Variants in PPIL4 observed in about 807,000 individuals in gnomAD.
PPIL4 encodes the protein peptidyl-prolyl cis-trans isomerase-like 4.
In PPIL4, 50 loss-of-function variants were observed where a neutral mutation model predicts 69.1. The ratio of observed to expected loss-of-function variants is 0.72; its 90% CI spans 0.58 to 0.92. PPIL4 has a LOEUF of 0.92. PPIL4 is among the 40% of genes least tolerant of loss of function. PPIL4 has a pLI of 0.00. For synonymous variants in PPIL4, 193 were observed against 191.6 expected, an observed-to-expected ratio of 1.01 and a Z score of -0.06; for missense variants, 480 against 587.9, an observed-to-expected ratio of 0.82 and a Z score of 1.90.
intron 1 of PPIL4, 118 bp from the exon 2 acceptor site, chr6:149,541,704 GTCCAAAGCTATAAAAAAGGGCAATA>G: frequency 1.6e-6 from 1 of 615,014 alleles, no homozygotes; most frequent in Non-Finnish European, 2.8e-6. Flanking sequence ...AAAGTCAAAT[GTCCAAAGCTATAAAAAAGGGCAATA>G]GGCCGGGCGC....
chr6:149,525,431 C>T (rs989014015), intron 8 of PPIL4, among the ~76,000 whole-genome samples: 1 of 152,060 alleles, frequency 6.6e-6, no homozygotes, highest in African/African-American at 2.4e-5. Flanking sequence ...CTTATATAGG[C>T]CTACAGTCCT....
chr6:149,543,949 T>A (rs912263310), intron 1 of PPIL4, among the ~76,000 whole-genome samples: 8 of 152,244 alleles, frequency 5.3e-5, no homozygotes, highest in Admixed American at 2.0e-4. Context: ...TAGGTAAGTC[T>A]GGATATGTTG....
intron 8 of PPIL4, among the ~76,000 whole-genome samples, chr6:149,525,842 T>C (rs1777098103): frequency 6.6e-6 from 1 of 152,148 alleles, no homozygotes; most frequent in Non-Finnish European, 1.5e-5. Flanking sequence ...GGCTCATACC[T>C]ATAACCCCAG....
At chr6:149,535,098 T>C (rs1777254810) in intron 5 of PPIL4, among the ~76,000 whole-genome samples, 1 of 152,234 alleles carries the variant, frequency 6.6e-6, no homozygotes, top group Non-Finnish European at 1.5e-5. Context: ...GGCTCATTCC[T>C]GTAATCCCAA....
At position 149,541,440 on chromosome 6, in the gene PPIL4, T is replaced by C. The variant is rs1388806890; in HGVS notation, c.139-9A>G. Reference sequence around the variant, plus strand: ...TGTATGATAAAATCCCTCTGTAATATGTAGGATTCTTTGTTAATTCACAGA... The same window carrying C: ...TGTATGATAAAATCCCTCTGTAATACGTAGGATTCTTTGTTAATTCACAGA... On this transcript the variant is annotated splice_polypyrimidine_tract_variant and intron_variant, in intron 2 of 12. Coordinates refer to ENST00000253329, the MANE Select transcript of PPIL4 (RefSeq NM_139126.4). 21 of 1,579,612 alleles carry C rather than the reference T, an allele frequency of 1.3e-5. No individual in the cohort carries two copies. Among genetic ancestry groups the C allele is most frequent in the Middle Eastern group, 1.7e-4 (1 of 5,970 alleles).
rs905848694 is a variant in PPIL4, at chr6:149,522,652, C to T, written c.871-1481G>A. On this transcript the variant is annotated intron_variant, in intron 9 of 12. Coordinates refer to ENST00000253329, the MANE Select transcript of PPIL4 (RefSeq NM_139126.4). ...TTTTTGAGACGGAGTCTTGCTCTGT[C>T]GCCAGGTTGGAGTGCAGTGGTGCGA... is the stretch of plus-strand genomic sequence containing the variant. 4.6e-5 allele frequency among the ~76,000 whole-genome samples: 7 copies of T among 152,010 alleles called. 1 individual carries two copies. The highest frequency in any genetic ancestry group is 2.1e-4 in the South Asian group (1 of 4,814).
chr6:149,516,358 C>G (rs1313132191), intron 11 of PPIL4, among the ~76,000 whole-genome samples: 1 of 152,146 alleles, frequency 6.6e-6, no homozygotes, highest in South Asian at 2.1e-4. Flanking sequence ...AGTTCTAACA[C>G]CTCACAATGC....
intron 9 of PPIL4, 75 bp downstream of exon 9, chr6:149,525,068 G>C: frequency 1.3e-6 from 1 of 762,596 alleles, no homozygotes; most frequent in Non-Finnish European, 2.1e-6. Flanking sequence ...ACTAGAAAAA[G>C]TTCTATAATT....
chr6:149,534,354 CAG>C (rs910425423), intron 6 of PPIL4, among the ~76,000 whole-genome samples: 3 of 152,138 alleles, frequency 2.0e-5, no homozygotes, highest in African/African-American at 7.2e-5. Context: ...AGCCTGGCTC[CAG>C]AGTGTCCCCA....
chr6:149,534,241 C>T (rs1441889886), intron 6 of PPIL4, among the ~76,000 whole-genome samples: 3 of 152,152 alleles, frequency 2.0e-5, no homozygotes, highest in Non-Finnish European at 2.9e-5. Flanking sequence ...CAATTAAGCA[C>T]CAATCCCAAC....
intron 5 of PPIL4, among the ~76,000 whole-genome samples, chr6:149,535,268 A>G (rs1777258111): frequency 6.6e-6 from 1 of 152,216 alleles, no homozygotes; most frequent in South Asian, 2.1e-4. Flanking sequence ...AGGCAGGAGA[A>G]TGGTGTGAAC....
intron 1 of PPIL4, among the ~76,000 whole-genome samples, chr6:149,544,764 C>A (rs376452368): frequency 6.6e-6 from 1 of 152,086 alleles, no homozygotes; most frequent in Non-Finnish European, 1.5e-5. Context: ...AACAATGGTA[C>A]GGGAGAGTTT....
At chr6:149,509,603 G>T (rs1331173471) in intron 12 of PPIL4, among the ~76,000 whole-genome samples, 1 of 152,178 alleles carries the variant, frequency 6.6e-6, no homozygotes, top group Non-Finnish European at 1.5e-5. Context: ...CATTTAAGAA[G>T]GAGGAGATGT....
At chr6:149,532,232 A>G (rs2115036926) in intron 7 of PPIL4, among the ~76,000 whole-genome samples, 1 of 152,366 alleles carries the variant, frequency 6.6e-6, no homozygotes, top group African/African-American at 2.4e-5. Flanking sequence ...GAATGTGGGT[A>G]AAAGGTATAT....
intron 4 of PPIL4, among the ~76,000 whole-genome samples, chr6:149,540,407 G>A (rs1281803860): frequency 1.3e-5 from 2 of 152,222 alleles, no homozygotes; most frequent in African/African-American, 2.4e-5. Flanking sequence ...ATGAGGTCAC[G>A]TGATTGAGAC....
intron 7 of PPIL4, 49 bp from the exon 8 acceptor site, chr6:149,526,825 A>G: frequency 6.4e-7 from 1 of 1,569,198 alleles, no homozygotes; most frequent in Non-Finnish European, 8.7e-7. Flanking sequence ...TTTAGTTTCC[A>G]TTCTAAATCC....
chr6:149,524,766 G>A (rs1053427781), intron 9 of PPIL4, among the ~76,000 whole-genome samples: 4 of 152,090 alleles, frequency 2.6e-5, no homozygotes, highest in Non-Finnish European at 5.9e-5. Flanking sequence ...GCAGGGCATG[G>A]TGGTGGGCAC....
chr6:149,512,052 G>C (rs567666794), intron 12 of PPIL4, 103 bp downstream of exon 12: 1 of 956,404 alleles, frequency 1.0e-6, no homozygotes, highest in African/African-American at 1.6e-5. Context: ...ACCCATCTCT[G>C]CTTAGAACTA....
chr6:149,531,116 C>A (rs1777189217), intron 7 of PPIL4, among the ~76,000 whole-genome samples: 1 of 152,066 alleles, frequency 6.6e-6, no homozygotes, highest in Non-Finnish European at 1.5e-5. Flanking sequence ...GTAATCCCAG[C>A]ACTTTGGGAG....
Sources: gnomAD v4.1 joint callset for allele counts (sites outside exome capture counted in the v4.1 genomes callset) on GRCh38, gnomAD v4.1.1 for gene constraint, MANE v1.5 for transcripts, NCBI Gene and HGNC (gene_info 2026-07-23, HGNC 2026-07-21) for gene names.